The following LRGUK variants were observed in gnomAD, a reference collection of about 807,000 sequenced individuals.
LRGUK encodes the protein leucine-rich repeat and guanylate kinase domain-containing protein.
Under a neutral mutation model 76.0 loss-of-function variants are expected in LRGUK, and 65 were observed. That is an observed-to-expected ratio of 0.85 (90% confidence interval 0.70 to 1.05). The LOEUF (loss-of-function observed/expected upper bound fraction) is 1.05, where lower values mean the gene tolerates loss of function less well. Among genes scored for constraint, LRGUK ranks in the 50% least tolerant of loss-of-function variants. The pLI is 0.00. For synonymous variants in LRGUK, 268 were observed against 265.6 expected (o/e 1.01, Z -0.09); for missense variants, 758 against 732.8 (o/e 1.03, Z -0.40).
chr7:134,175,230 C>T lies in LRGUK; in HGVS notation c.1020+594C>T, dbSNP rs73439478. ...CTCTCCATTGACAGATGCTTTCTCC[C>T]GGTCTCCTCCCCTCTCTCCTTGTCT... On this transcript the variant is annotated intron_variant, in intron 8 of 15. Transcript: ENST00000645682. Among the ~76,000 whole-genome samples, 1,210 of 152,232 alleles carry T rather than the reference C, an allele frequency of 7.9e-3. 20 individuals are homozygous for T. The highest frequency in any genetic ancestry group is 0.027 in the African/African-American group (1,140 of 41,534).
At chr7:134,249,771 G>A (rs1174895469) in intron 18 of LRGUK, among the ~76,000 whole-genome samples, 3 of 152,186 alleles carry the variant, frequency 2.0e-5, no homozygotes, top group Admixed American at 6.5e-5. Flanking sequence ...ATTGCTGATT[G>A]TAGCACTGTG....
intron 3 of LRGUK, among the ~76,000 whole-genome samples, chr7:134,140,703 A>G (rs887630857): frequency 6.6e-6 from 1 of 151,834 alleles, no homozygotes; most frequent in Admixed American, 6.6e-5. Context: ...CCCTTCTAGG[A>G]CCCTAATAAA....
chr7:134,226,243 T>TGTGTGC (rs934118273), intron 16 of LRGUK, among the ~76,000 whole-genome samples: 6 of 151,618 alleles, frequency 4.0e-5, no homozygotes, highest in African/African-American at 9.7e-5. Flanking sequence ...TGTGTGTGTG[T>TGTGTGC]GTGTGTGTGT....
chr7:134,152,147 G>T (rs1798246684), intron 5 of LRGUK, among the ~76,000 whole-genome samples: 1 of 151,942 alleles, frequency 6.6e-6, no homozygotes, highest in South Asian at 2.1e-4. Context: ...TTAAAAATTT[G>T]CTATAAAGTA....
intron 12 of LRGUK, among the ~76,000 whole-genome samples, chr7:134,192,699 T>C (rs1286777156): frequency 1.3e-5 from 2 of 152,204 alleles, no homozygotes; most frequent in Non-Finnish European, 1.5e-5. Flanking sequence ...AGCTCATATT[T>C]TCATCACGAC....
intron 5 of LRGUK, among the ~76,000 whole-genome samples, chr7:134,150,828 T>G (rs932418054): frequency 6.6e-6 from 1 of 151,346 alleles, no homozygotes; most frequent in Non-Finnish European, 1.5e-5. Flanking sequence ...GAATTAGGGT[T>G]TTTTTTTTCT....
intron 16 of LRGUK, among the ~76,000 whole-genome samples, chr7:134,244,756 A>G (rs1380318217): frequency 6.6e-6 from 1 of 152,212 alleles, no homozygotes. Flanking sequence ...ATGCACACAT[A>G]TGTTTATTGC....
the LRGUK span, among the ~76,000 whole-genome samples, chr7:134,274,613 T>C: frequency 6.6e-6 from 1 of 151,578 alleles, no homozygotes; most frequent in East Asian, 1.9e-4. Flanking sequence ...TTCTTATATA[T>C]CAAATAGTTT....
At chr7:134,244,372 C>T (rs1352778822) in intron 16 of LRGUK, among the ~76,000 whole-genome samples, 2 of 152,128 alleles carry the variant, frequency 1.3e-5, no homozygotes, top group African/African-American at 2.4e-5. Context: ...AATCAAACAA[C>T]CCCATCAAAA....
chr7:134,201,289 A>G (rs1800755926), intron 14 of LRGUK, among the ~76,000 whole-genome samples, 192 bp from the exon 15 acceptor site: 1 of 152,192 alleles, frequency 6.6e-6, no homozygotes, highest in African/African-American at 2.4e-5. Flanking sequence ...TTGCCTTCAC[A>G]GGTTCTGCCC....
intron 14 of LRGUK, among the ~76,000 whole-genome samples, chr7:134,200,549 A>G (rs1408568883): frequency 6.6e-6 from 1 of 151,948 alleles, no homozygotes; most frequent in Non-Finnish European, 1.5e-5. Flanking sequence ...TCCTCAAAAA[A>G]ACTAATAACA....
rs1210968491 is a variant in LRGUK, at chr7:134,192,322, A to G, written c.1431+571A>G. ...CTCAGTCCTGGAGGCCAAGCAGTTCACTAATGCAGATGGCAGCCCTTGCTA... is the reference window on the plus strand; with the variant it reads ...CTCAGTCCTGGAGGCCAAGCAGTTCGCTAATGCAGATGGCAGCCCTTGCTA... On this transcript the variant is annotated intron_variant, in intron 12 of 15. Coordinates refer to ENST00000645682, the Ensembl canonical transcript of LRGUK. Among the ~76,000 whole-genome samples the G allele has an allele frequency of 4.6e-5, 7 of 152,324 alleles. No individual in the cohort carries two copies. The East Asian group carries it at 1.2e-3, about 25-fold the overall frequency.
chr7:134,209,378 G>A (rs1801146840), exon 16 of LRGUK: 3 of 398,990 alleles, frequency 7.5e-6, no homozygotes, highest in Non-Finnish European at 8.8e-6. Context: ...GAAACTTGCT[G>A]GCGATTCTCA....
intron 16 of LRGUK, among the ~76,000 whole-genome samples, chr7:134,235,633 A>G (rs1030750506): frequency 6.6e-6 from 1 of 152,212 alleles, no homozygotes; most frequent in Non-Finnish European, 1.5e-5. Context: ...CTGTTAGACT[A>G]TAAATCCTCC....
chr7:134,128,924 T>C (rs1797152859), intron 1 of LRGUK, among the ~76,000 whole-genome samples: 1 of 152,214 alleles, frequency 6.6e-6, no homozygotes, highest in South Asian at 2.1e-4. Context: ...TTAGATTCAA[T>C]AGTTTTTCTT....
In LRGUK at chr7:134,234,175, A is replaced by G. The variant is rs549490497; in HGVS notation, c.1983+12257A>G. ...CATAGGGGCACAGATCAGCATCTCAAAGCTGTTCTTCTGCTCTTCATGAGG... is the reference window on the plus strand; with the variant it reads ...CATAGGGGCACAGATCAGCATCTCAGAGCTGTTCTTCTGCTCTTCATGAGG... On this transcript the variant is annotated intron_variant, in intron 16 of 19. Coordinates refer to the LRGUK transcript ENST00000285928. 4.6e-5 allele frequency among the ~76,000 whole-genome samples: 7 copies of G among 152,198 alleles called. No individual in the cohort carries two copies. The South Asian group carries it at 1.5e-3, about 32-fold the overall frequency.
chr7:134,178,540 T>C (rs1244078078), exon 10 of LRGUK: 1 of 1,613,312 alleles, frequency 6.2e-7, no homozygotes, highest in Non-Finnish European at 8.5e-7. Context: ...CCCCCTGAAG[T>C]GGTTGCAGCT....
At chr7:134,174,532 T>C (rs781702799) in intron 7 of LRGUK, 24 bp from the exon 8 acceptor site, 1 of 1,439,602 alleles carries the variant, frequency 6.9e-7, no homozygotes, top group East Asian at 2.3e-5. Context: ...AGTCTGTTGA[T>C]AATTTTTTTC....
At chr7:134,232,284 AT>A (rs199587725) in intron 16 of LRGUK, among the ~76,000 whole-genome samples, 9,454 of 145,590 alleles carry the variant, frequency 0.065, 626 homozygotes, top group African/African-American at 0.16. Flanking sequence ...TTTTTAATTT[AT>A]TTTTTTTTTT....
Sources: gnomAD v4.1 joint callset for allele counts (sites outside exome capture counted in the v4.1 genomes callset) on GRCh38, gnomAD v4.1.1 for gene constraint, MANE v1.5 for transcripts, NCBI Gene and HGNC (gene_info 2026-07-23, HGNC 2026-07-21) for gene names.